FANCA: variants seen among roughly 807,000 people sequenced by gnomAD.
The protein encoded by FANCA is FA complementation group A.
In FANCA, 236 loss-of-function variants were observed where a neutral mutation model predicts 194.3. That is an observed-to-expected ratio of 1.21 (90% CI 1.09 to 1.35). The LOEUF is 1.35. FANCA is among the 40% of genes most tolerant of loss of function. The pLI, the probability that FANCA is intolerant of heterozygous loss-of-function variation, is 0.00. For missense variants in FANCA, 2,628 were observed against 1,813.9 expected, an observed-to-expected ratio of 1.45 and a Z score of -8.15; for synonymous variants, 1,014 against 715.8, an observed-to-expected ratio of 1.42 and a Z score of -6.65.
intron 14 of FANCA, chr16:89,791,044 TTTTTG>T: frequency 1.1e-5 from 2 of 176,830 alleles, no homozygotes; most frequent in South Asian, 1.3e-4. Context: ...TTTTTTTTTT[TTTTTG>T]GTGGAGATGA....
intron 29 of FANCA, among the ~76,000 whole-genome samples, chr16:89,761,040 C>T (rs913900005): frequency 6.6e-6 from 1 of 152,214 alleles, no homozygotes; most frequent in Non-Finnish European, 1.5e-5. Flanking sequence ...CCCCTCTATA[C>T]TCCCTGCTTC....
At chr16:89,807,492 G>A (rs1406233953) in intron 6 of FANCA, among the ~76,000 whole-genome samples, 1 of 151,900 alleles carries the variant, frequency 6.6e-6, no homozygotes, top group Non-Finnish European at 1.5e-5. Context: ...GCTCATGCCT[G>A]TAATCCCAGC....
intron 15 of FANCA, 56 bp downstream of exon 15, chr16:89,784,798 G>C (rs941015604): frequency 8.7e-6 from 12 of 1,380,864 alleles, no homozygotes; most frequent in Middle Eastern, 3.6e-4. Flanking sequence ...GCAGTCCTCA[G>C]ATGCAGCAGG....
In FANCA at chr16:89,815,908, C is replaced by T; in HGVS notation, c.158G>A (p.Ser53Asn). Residue 53 changes from serine to asparagine, a missense_variant, in exon 2 of 43, where the codon AGC becomes AAC. Transcript: ENST00000389301. Reference sequence around the variant, plus strand: ...CAAAAGGGCATTCAGGTCCTGATGGCTTCGCAGGAGGCGCACAGCTGATTC... The same window carrying T: ...CAAAAGGGCATTCAGGTCCTGATGGTTTCGCAGGAGGCGCACAGCTGATTC... ...LKESAVRLLRSHQDLNALLLE... is the reference protein window; with the variant it reads ...LKESAVRLLRNHQDLNALLLE... 6.2e-7 allele frequency: 1 copy of T among 1,614,142 alleles called. No individual in the cohort carries two copies. The highest frequency in any genetic ancestry group is 8.5e-7 in the Non-Finnish European group (1 of 1,179,974).
At position 89,778,320 on chromosome 16, in the gene FANCA, G is replaced by C. The variant is rs1217677120; in HGVS notation, c.1826+481C>G. The C allele has an allele frequency of 9.5e-6, 3 of 315,768 alleles. 1 individual carries two copies. The highest frequency in any genetic ancestry group is 1.8e-5 in the Non-Finnish European group (3 of 164,250). The allele number at this position is 315,768 out of a possible 1,614,324, so 19.6% of individuals were successfully genotyped here. ...GTCTGTACTAAAAATACAAAAATTA[G>C]CAGGGCGTGGTGGTGCATACCTATA... On this transcript the variant is annotated intron_variant, in intron 20 of 42. Coordinates refer to ENST00000389301, the MANE Select transcript of FANCA (RefSeq NM_000135.4).
At chr16:89,763,536 G>A (rs1199267235) in intron 28 of FANCA, among the ~76,000 whole-genome samples, 1 of 152,020 alleles carries the variant, frequency 6.6e-6, no homozygotes, top group Non-Finnish European at 1.5e-5. Flanking sequence ...AAATAAATCA[G>A]TACCAAGGCA....
chr16:89,748,959 G>A (rs539000797), intron 32 of FANCA, among the ~76,000 whole-genome samples, 192 bp from the exon 33 acceptor site: 1 of 152,222 alleles, frequency 6.6e-6, no homozygotes, highest in South Asian at 2.1e-4. Flanking sequence ...ACTGTGTTTG[G>A]CCCACTGCAT....
chr16:89,791,804 G>A, intron 13 of FANCA, 123 bp downstream of exon 13: 1 of 1,269,904 alleles, frequency 7.9e-7, no homozygotes, highest in Non-Finnish European at 1.1e-6. Flanking sequence ...AGGAGGCACT[G>A]CAGGTTCCGG....
chr16:89,765,675 C>T (rs2159113), intron 27 of FANCA, among the ~76,000 whole-genome samples: 69,482 of 152,186 alleles, frequency 0.46, 18,067 homozygotes, highest in East Asian at 0.76. Context: ...GCTGCGTGAC[C>T]GTGTCCATCT....
chr16:89,787,212 T>C (rs184579085), intron 14 of FANCA, among the ~76,000 whole-genome samples: 52 of 152,216 alleles, frequency 3.4e-4, no homozygotes, highest in South Asian at 1.9e-3. Flanking sequence ...GAAGATCACT[T>C]CAGCCCAGGA....
chr16:89,775,777 C>G lies in FANCA; in HGVS notation c.1865G>C (p.Cys622Ser). 6.2e-7 allele frequency: 1 copy of G among 1,612,802 alleles called. No homozygotes were observed. The highest frequency in any genetic ancestry group is 1.3e-5 in the African/African-American group (1 of 74,972). Residue 622 changes from cysteine (C) to serine (S), a missense_variant, in exon 21 of 43, where the codon TGC (cysteine) becomes TCC (serine). Cys to Ser is a moderately radical substitution (Grantham distance 112, BLOSUM62 -1). Transcript: ENST00000389301. Reference sequence around the variant, plus strand: ...CTCTTCAGCAGCAGAGCAGGCCTGGCAGTAGGTGGAGTACAGAGATGGGGG... The same window carrying G: ...CTCTTCAGCAGCAGAGCAGGCCTGGGAGTAGGTGGAGTACAGAGATGGGGG... ...KIPPSLYSTYCQACSAAEEKP... is the reference protein window; with the variant it reads ...KIPPSLYSTYSQACSAAEEKP...
chr16:89,786,076 C>T (rs546081327), intron 14 of FANCA, among the ~76,000 whole-genome samples: 16 of 142,322 alleles, frequency 1.1e-4, no homozygotes, highest in East Asian at 6.3e-4. Flanking sequence ...TGGAGTGCAA[C>T]GGTGCAATCA....
chr16:89,808,332 G>A lies in FANCA; in HGVS notation c.558C>T (p.His186=), dbSNP rs149159377. 13 of 1,613,976 alleles carry A rather than the reference G, an allele frequency of 8.1e-6. No homozygotes were observed. In the East Asian group the frequency reaches 8.9e-5, roughly 11 times the overall value. Reference sequence around the variant, plus strand: ...CTTGCAGGCTCACAATGCCTTGTACGTGAAGATGCCACACCGCTTCAAGCA... The same window carrying A: ...CTTGCAGGCTCACAATGCCTTGTACATGAAGATGCCACACCGCTTCAAGCA... The part of the protein sequence containing the change: ...SLLLEAVWHL[H]VQGIVSLQEL... The change falls in exon 6 of 43, where the codon CAC becomes CAT. Residue 186 remains histidine, a synonymous_variant. Transcript: ENST00000389301.
intron 6 of FANCA, among the ~76,000 whole-genome samples, chr16:89,806,803 C>G (rs2040667025): frequency 6.6e-6 from 1 of 152,194 alleles, no homozygotes; most frequent in Non-Finnish European, 1.5e-5. Flanking sequence ...CCCACCCTTC[C>G]CCCCTTTGTA....
intron 31 of FANCA, among the ~76,000 whole-genome samples, chr16:89,750,512 G>A (rs62054610): frequency 0.048 from 6,901 of 144,736 alleles, 364 homozygotes; most frequent in East Asian, 0.18. Context: ...AAAACAGCCA[G>A]GTATGGTGGC....
intron 10 of FANCA, among the ~76,000 whole-genome samples, chr16:89,796,349 G>A (rs1248461658): frequency 6.6e-6 from 1 of 152,150 alleles, no homozygotes; most frequent in African/African-American, 2.4e-5. Context: ...CGGGAGTGGA[G>A]CCCCGGGAGC....
At position 89,764,879 on chromosome 16, in the gene FANCA, C is replaced by T. The variant is rs1211560919; in HGVS notation, c.2778+11G>A. ...ACGTGGCATGATGCAGGAGAAGGAA[C>T]GGTCACCTACGTGAACATCTTCCTC... On this transcript the variant is annotated intron_variant, in intron 28 of 42. Transcript: ENST00000389301. 2.5e-6 allele frequency: 4 copies of T among 1,613,462 alleles called. No individual in the cohort carries two copies. The highest frequency in any genetic ancestry group is 2.2e-5 in the East Asian group (1 of 44,856).
chr16:89,770,300 G>T (rs754187263), intron 24 of FANCA, 41 bp from the exon 25 acceptor site: 1 of 1,488,598 alleles, frequency 6.7e-7, no homozygotes, highest in South Asian at 1.2e-5. Flanking sequence ...TAGCCATTCA[G>T]TCCTGCACAT....
At chr16:89,795,813 T>C (rs1436208805) in intron 11 of FANCA, 93 bp downstream of exon 11, 1 of 892,154 alleles carries the variant, frequency 1.1e-6, no homozygotes, top group Non-Finnish European at 1.9e-6. Flanking sequence ...GGTCCTAGAA[T>C]TCCTGGCATC....
Sources: gnomAD v4.1 joint callset for allele counts (sites outside exome capture counted in the v4.1 genomes callset) on GRCh38, gnomAD v4.1.1 for gene constraint, MANE v1.5 for transcripts, NCBI Gene and HGNC (gene_info 2026-07-23, HGNC 2026-07-21) for gene names.